ERAP1: variants seen among roughly 807,000 people sequenced by gnomAD.
ERAP1 encodes the protein adipocyte-derived leucine aminopeptidase.
ERAP1 carries 86 observed loss-of-function variants against 103.7 expected under a neutral mutation model. The observed-to-expected ratio is 0.83, with a 90% CI of 0.70 to 0.99. ERAP1 has a LOEUF of 0.99. ERAP1 is among the 50% of genes least tolerant of loss of function. The pLI, the probability that ERAP1 is intolerant of heterozygous loss-of-function variation, is 0.00. For synonymous variants in ERAP1, 398 were observed against 402.4 expected (o/e 0.99, Z 0.13); for missense variants, 1,009 against 1,128.4 (o/e 0.89, Z 1.52).
At chr5:96,886,525 C>A in the ERAP1 span, 1 of 607,086 alleles carries the variant, frequency 1.6e-6, no homozygotes, top group Non-Finnish European at 2.5e-6. Context: ...GAGGCCATTG[C>A]CCCCCTAGGA....
chr5:96,880,945 C>T, the ERAP1 span: 2 of 156,854 alleles, frequency 1.3e-5, no homozygotes, highest in Non-Finnish European at 2.8e-5. Flanking sequence ...ATTCAGTTGA[C>T]TGGGCAGGGA....
At chr5:96,839,027 G>T in the ERAP1 span, among the ~76,000 whole-genome samples, 1 of 152,184 alleles carries the variant, frequency 6.6e-6, no homozygotes, top group Admixed American at 6.5e-5. Context: ...TTGATAATTT[G>T]CTAGAATGGC....
chr5:96,862,609 G>T, the ERAP1 span, among the ~76,000 whole-genome samples: 24 of 152,198 alleles, frequency 1.6e-4, no homozygotes, highest in Non-Finnish European at 1.6e-4. Context: ...GGCATTAAAA[G>T]ATTCCATCAT....
rs190445050 is a variant in ERAP1 at position 96,765,007 on chromosome 5, A to G, written c.2819-1779T>C. Among the ~76,000 whole-genome samples, 618 of 151,616 alleles carry G rather than the reference A, an allele frequency of 4.1e-3. 5 individuals carry two copies. The highest frequency in any genetic ancestry group is 0.014 in the African/African-American group (571 of 41,238). Reference sequence around the variant, plus strand: ...TTGGGTGGAAGGTGCTGGCCCTCCAACCCCAGTAGGGTGACAGATACTGCC... The same window carrying G: ...TTGGGTGGAAGGTGCTGGCCCTCCAGCCCCAGTAGGGTGACAGATACTGCC... On this transcript the variant is annotated intron_variant, in intron 19 of 19. Transcript: ENST00000296754.
At chr5:96,892,579 A>C in the ERAP1 span, 1 of 1,035,304 alleles carries the variant, frequency 9.7e-7, no homozygotes, top group Non-Finnish European at 1.4e-6. Flanking sequence ...GAGACTACTA[A>C]ACCTAACACA....
the ERAP1 span, among the ~76,000 whole-genome samples, chr5:96,897,937 C>T: frequency 6.6e-6 from 1 of 152,228 alleles, no homozygotes; most frequent in Non-Finnish European, 1.5e-5. Flanking sequence ...TGGCTCACGC[C>T]TGTAATCCCA....
At chr5:96,852,140 C>T in the ERAP1 span, among the ~76,000 whole-genome samples, 1 of 152,340 alleles carries the variant, frequency 6.6e-6, no homozygotes, top group South Asian at 2.1e-4. Context: ...CACTTCTAAA[C>T]ACCCACTTCT....
chr5:96,780,368 A>G, intron 18 of ERAP1, 55 bp downstream of exon 18: 1 of 1,290,510 alleles, frequency 7.7e-7, no homozygotes, highest in East Asian at 2.6e-5. Context: ...CCCCATATTA[A>G]TTAGCTAATT....
At chr5:96,805,344 T>C (rs1276395723) in intron 1 of ERAP1, among the ~76,000 whole-genome samples, 2 of 120,304 alleles carry the variant, frequency 1.7e-5, no homozygotes, top group Non-Finnish European at 3.6e-5. Context: ...TTCTGGTTTT[T>C]GGTTTTTTTT....
chr5:96,907,012 G>C, the ERAP1 span, among the ~76,000 whole-genome samples: 1 of 152,160 alleles, frequency 6.6e-6, no homozygotes. Flanking sequence ...TGGGCAACAG[G>C]AGTGAAACTC....
At chr5:96,924,075 A>C in the ERAP1 span, among the ~76,000 whole-genome samples, 1 of 152,218 alleles carries the variant, frequency 6.6e-6, no homozygotes, top group African/African-American at 2.4e-5. Context: ...GTAAAGCAGC[A>C]CCTGGAAGTG....
At chr5:96,890,341 A>G in the ERAP1 span, among the ~76,000 whole-genome samples, 2 of 152,292 alleles carry the variant, frequency 1.3e-5, no homozygotes, top group Admixed American at 1.3e-4. Flanking sequence ...CGCAGTTCAC[A>G]ATAGGATTCA....
At chr5:96,925,981 G>A in the ERAP1 span, among the ~76,000 whole-genome samples, 5 of 149,366 alleles carry the variant, frequency 3.3e-5, no homozygotes, top group African/African-American at 1.2e-4. Flanking sequence ...CGTGATCTCG[G>A]CTCACTGCAA....
chr5:96,814,369 AAC>A, the ERAP1 span: 3 of 455,768 alleles, frequency 6.6e-6, no homozygotes, highest in Non-Finnish European at 1.3e-5. Context: ...TCATGGGGGC[AAC>A]TTAGATTACG....
the ERAP1 span, chr5:96,899,972 C>A: frequency 1.1e-6 from 1 of 902,484 alleles, no homozygotes; most frequent in Non-Finnish European, 1.7e-6. Context: ...TGCAAACATG[C>A]CTTTTTTTCC....
the ERAP1 span, among the ~76,000 whole-genome samples, chr5:96,891,383 A>G: frequency 4.9e-4 from 73 of 149,842 alleles, no homozygotes; most frequent in South Asian, 8.4e-4. Flanking sequence ...ATATATATAT[A>G]TATGTGTATA....
chr5:96,767,601 A>C (rs1352774736), intron 19 of ERAP1: 1 of 729,602 alleles, frequency 1.4e-6, no homozygotes, highest in African/African-American at 1.8e-5. Context: ...TACTTTGTCA[A>C]AGCATGCATA....
At chr5:96,917,532 CGAT>C in the ERAP1 span, 1 of 1,613,792 alleles carries the variant, frequency 6.2e-7, no homozygotes, top group African/African-American at 1.3e-5. Context: ...GTTCTGGAAA[CGAT>C]AACCAAAAAT....
the ERAP1 span, among the ~76,000 whole-genome samples, chr5:96,903,015 A>G: frequency 6.6e-6 from 1 of 152,188 alleles, no homozygotes; most frequent in Non-Finnish European, 1.5e-5. Flanking sequence ...ACACATACAT[A>G]TTTCAATGAC....
Sources: gnomAD v4.1 joint callset for allele counts (sites outside exome capture counted in the v4.1 genomes callset) on GRCh38, gnomAD v4.1.1 for gene constraint, MANE v1.5 for transcripts, NCBI Gene and HGNC (gene_info 2026-07-23, HGNC 2026-07-21) for gene names.